The following AATF variants were observed in gnomAD, a reference collection of about 807,000 sequenced individuals.
AATF encodes the protein apoptosis antagonizing transcription factor, also known as protein AATF.
AATF carries 48 observed loss-of-function variants against 63.7 expected under a neutral mutation model. That is an observed-to-expected ratio of 0.75 (90% CI 0.60 to 0.96). AATF has a LOEUF of 0.96. AATF is among the 40% of genes least tolerant of loss of function. The probability of loss-of-function intolerance (pLI) is 0.00; values close to 1 mark genes in which losing one functional copy is unlikely to be tolerated. For missense variants in AATF, 639 were observed against 685.7 expected, an observed-to-expected ratio of 0.93 and a Z score of 0.76; for synonymous variants, 258 against 247.7, an observed-to-expected ratio of 1.04 and a Z score of -0.39.
Position 37,013,012 on chromosome 17 carries a change from A to G in AATF, c.1399-5993A>G, listed in dbSNP as rs79796017. On this transcript the variant is annotated intron_variant, in intron 8 of 11. Transcript: ENST00000619387. ...AAAAATTGGACTGTATCAAAATTAA[A>G]AACTTTCCTGCCTCAAATGACACTC... 9.4e-3 allele frequency among the ~76,000 whole-genome samples: 1,431 copies of G among 152,334 alleles called. 30 individuals carry two copies. The highest frequency in any genetic ancestry group is 0.033 in the African/African-American group (1,367 of 41,564).
chr17:37,017,787 A>G (rs1209961506), intron 8 of AATF, among the ~76,000 whole-genome samples: 1 of 152,198 alleles, frequency 6.6e-6, no homozygotes, highest in African/African-American at 2.4e-5. Flanking sequence ...TTGGAAGTGA[A>G]TATTTTTTAT....
At chr17:37,004,504 A>G (rs1157275972) in intron 8 of AATF, among the ~76,000 whole-genome samples, 1 of 152,130 alleles carries the variant, frequency 6.6e-6, no homozygotes, top group African/African-American at 2.4e-5. Context: ...TAGAGAGGTA[A>G]AAATGGATGT....
intron 4 of AATF, among the ~76,000 whole-genome samples, chr17:36,976,651 GT>G (rs1392711467): frequency 6.6e-6 from 1 of 152,168 alleles, no homozygotes; most frequent in Non-Finnish European, 1.5e-5. Context: ...CAAGTGAGTA[GT>G]TTACAGTTTC....
At chr17:37,030,235 A>G (rs2071542431) in intron 10 of AATF, among the ~76,000 whole-genome samples, 1 of 152,156 alleles carries the variant, frequency 6.6e-6, no homozygotes. Context: ...AATAGGAAAA[A>G]TCTTAACCAG....
chr17:37,010,121 A>G (rs1283436996), intron 8 of AATF, among the ~76,000 whole-genome samples: 1 of 152,084 alleles, frequency 6.6e-6, no homozygotes, highest in Non-Finnish European at 1.5e-5. Context: ...GGTGGGGGAA[A>G]TGATAAAGCA....
chr17:36,989,185 A>C (rs1361631980), intron 6 of AATF, 62 bp from the exon 7 acceptor site: 1 of 1,523,144 alleles, frequency 6.6e-7, no homozygotes, highest in Non-Finnish European at 8.9e-7. Context: ...TAGAGAAACC[A>C]ATGTAGCTTG....
At chr17:37,041,754 C>G (rs1250634970) in intron 11 of AATF, among the ~76,000 whole-genome samples, 1 of 152,264 alleles carries the variant, frequency 6.6e-6, no homozygotes, top group African/African-American at 2.4e-5. Flanking sequence ...ATCCACCCAC[C>G]TCAGCCTCCC....
chr17:36,950,535 TG>T, intron 2 of AATF, 130 bp downstream of exon 2: 1 of 969,408 alleles, frequency 1.0e-6, no homozygotes, highest in Non-Finnish European at 1.5e-6. Context: ...GTTTGGCTCT[TG>T]TTGCCCAGGC....
At chr17:37,030,581 TA>T in intron 10 of AATF, among the ~76,000 whole-genome samples, 1 of 152,146 alleles carries the variant, frequency 6.6e-6, no homozygotes, top group Non-Finnish European at 1.5e-5. Context: ...TCATACAAAA[TA>T]TTTTTTTTTC....
chr17:37,031,673 A>T lies in AATF; in HGVS notation c.1607A>T (p.Asn536Ile), dbSNP rs2071553002. 1.2e-6 allele frequency: 2 copies of T among 1,613,850 alleles called. No homozygotes were observed. The highest frequency in any genetic ancestry group is 2.7e-5 in the African/African-American group (2 of 74,938). The change falls in exon 11 of 12, where the codon AAT (asparagine) becomes ATT (isoleucine). Residue 536 changes from asparagine to isoleucine, a missense_variant. Transcript: ENST00000619387. ...FMAPIDHTTM[N>I]DDARTELYRS... ...GCACCTATTGACCATACTACAATGAATGATGATGCCAGGTGAGTAATAGAT... is the reference window on the plus strand; with the variant it reads ...GCACCTATTGACCATACTACAATGATTGATGATGCCAGGTGAGTAATAGAT...
At chr17:36,981,825 C>T (rs1426099025) in intron 4 of AATF, among the ~76,000 whole-genome samples, 1 of 151,594 alleles carries the variant, frequency 6.6e-6, no homozygotes, top group Admixed American at 6.6e-5. Context: ...GCATGAGCCA[C>T]GGTAACTAGC....
intron 10 of AATF, among the ~76,000 whole-genome samples, chr17:37,029,620 C>T (rs1567989986): frequency 6.6e-6 from 1 of 152,042 alleles, no homozygotes; most frequent in Non-Finnish European, 1.5e-5. Flanking sequence ...GGCTGGAGTG[C>T]AGTGACATAA....
chr17:36,954,476 G>T (rs1436650097), intron 4 of AATF, among the ~76,000 whole-genome samples: 1 of 152,160 alleles, frequency 6.6e-6, no homozygotes, highest in African/African-American at 2.4e-5. Context: ...CATTAAACTT[G>T]GTTGTATCAT....
intron 4 of AATF, among the ~76,000 whole-genome samples, chr17:36,958,307 C>T (rs374893685): frequency 2.2e-4 from 33 of 152,072 alleles, no homozygotes; most frequent in African/African-American, 7.5e-4. Context: ...GGACTACAGG[C>T]GCATGCCACC....
At chr17:37,028,877 G>A (rs2071530774) in intron 10 of AATF, among the ~76,000 whole-genome samples, 1 of 152,124 alleles carries the variant, frequency 6.6e-6, no homozygotes. Context: ...ACGGTTATAT[G>A]CAGCTATTTA....
intron 4 of AATF, among the ~76,000 whole-genome samples, 158 bp downstream of exon 4, chr17:36,954,065 C>CTTTT (rs878859973): frequency 1.3e-4 from 16 of 122,432 alleles, no homozygotes; most frequent in African/African-American, 1.6e-4. Context: ...TTCCAAGTTG[C>CTTTT]TTTTTTTTTT....
At chr17:37,046,580 G>A (rs181512276) in intron 11 of AATF, among the ~76,000 whole-genome samples, 5 of 152,088 alleles carry the variant, frequency 3.3e-5, no homozygotes, top group South Asian at 2.1e-4. Context: ...ATTGGTACCC[G>A]ATTTCTAAGC....
chr17:36,981,293 T>A (rs1181256419), intron 4 of AATF, among the ~76,000 whole-genome samples: 1 of 152,198 alleles, frequency 6.6e-6, no homozygotes, highest in Non-Finnish European at 1.5e-5. Context: ...AATTCTGACA[T>A]GCATGTTGAG....
intron 10 of AATF, among the ~76,000 whole-genome samples, chr17:37,027,245 CATA>C (rs2071517688): frequency 6.6e-6 from 1 of 151,968 alleles, no homozygotes. Context: ...AATCAGAAAT[CATA>C]ATGTAAATGG....
Sources: allele counts gnomAD v4.1 joint callset (sites outside exome capture counted in the v4.1 genomes callset), GRCh38; gene constraint gnomAD v4.1.1; transcripts MANE v1.5; gene names NCBI Gene and HGNC (gene_info 2026-07-23, HGNC 2026-07-21).